The following RGS22 variants were observed in gnomAD, a reference collection of about 807,000 sequenced individuals.
RGS22 encodes regulator of G protein signaling 22.
A neutral mutation model predicts 172.9 loss-of-function variants in RGS22; 148 were observed. The observed-to-expected ratio is 0.86, with a 90% CI of 0.75 to 0.98. The LOEUF is 0.98. Ranked by LOEUF, RGS22 falls within the 50% of genes least tolerant of loss-of-function variation. RGS22 has a pLI of 0.00. For synonymous variants in RGS22, 458 were observed against 480.2 expected (o/e 0.95, Z 0.60); for missense variants, 1,347 against 1,440.8 (o/e 0.93, Z 1.05).
Position 100,041,783 on chromosome 8 carries a change from C to G in RGS22, c.1938+19G>C. 2 of 1,308,826 alleles carry G rather than the reference C, an allele frequency of 1.5e-6. No homozygotes were observed. The highest frequency in any genetic ancestry group is 1.2e-5 in the South Asian group (1 of 82,458). 81.1% of individuals were successfully genotyped at this position (1,308,826 alleles called of 1,614,324 possible). A position where few individuals can be genotyped will look rare whatever the true frequency, so the allele number is the denominator to read the frequency against. On this transcript the variant is annotated intron_variant, in intron 12 of 27. Coordinates refer to ENST00000360863, the MANE Select transcript of RGS22 (RefSeq NM_015668.5). The stretch of plus-strand genomic sequence containing the variant: ...AGTTAAATGAAGAATCAGGTTTATT[C>G]AGTCCTCAAAACACTCACCCTAGGT...
At chr8:100,088,431 CA>C (rs1205910272) in intron 3 of RGS22, among the ~76,000 whole-genome samples, 1 of 152,002 alleles carries the variant, frequency 6.6e-6, no homozygotes, top group African/African-American at 2.4e-5. Flanking sequence ...ACACACAAAA[CA>C]AAGCCAAAAG....
chr8:100,022,546 A>G (rs577246966), intron 14 of RGS22, among the ~76,000 whole-genome samples: 1 of 152,302 alleles, frequency 6.6e-6, no homozygotes, highest in African/African-American at 2.4e-5. Flanking sequence ...CACAGAAAAA[A>G]AAGTTATTAC....
intron 21 of RGS22, among the ~76,000 whole-genome samples, chr8:99,984,213 G>A (rs1385081435): frequency 6.6e-6 from 1 of 152,128 alleles, no homozygotes; most frequent in Non-Finnish European, 1.5e-5. Context: ...CTGAGCCCAG[G>A]GAGGTTGACG....
chr8:100,075,476 G>A (rs886563318), intron 4 of RGS22, among the ~76,000 whole-genome samples: 6 of 152,206 alleles, frequency 3.9e-5, no homozygotes, highest in Non-Finnish European at 5.9e-5. Flanking sequence ...ACAGTCTATA[G>A]AACCATAAGC....
chr8:99,975,706 A>C (rs1376595768), intron 23 of RGS22, among the ~76,000 whole-genome samples: 1 of 151,104 alleles, frequency 6.6e-6, no homozygotes, highest in African/African-American at 2.4e-5. Flanking sequence ...TTATTTATTT[A>C]TTTATTTATT....
intron 23 of RGS22, among the ~76,000 whole-genome samples, chr8:99,976,125 G>C (rs1307364618): frequency 3.3e-5 from 5 of 152,056 alleles, no homozygotes; most frequent in Non-Finnish European, 5.9e-5. Flanking sequence ...GGGAAGCAGA[G>C]GTTGCAATGA....
chr8:99,991,494 A>G (rs1813716209), intron 20 of RGS22, among the ~76,000 whole-genome samples: 1 of 152,240 alleles, frequency 6.6e-6, no homozygotes, highest in South Asian at 2.1e-4. Context: ...AGCCAATTCG[A>G]TCAAATGGAA....
chr8:100,054,856 G>C (rs1822079737), intron 9 of RGS22, among the ~76,000 whole-genome samples: 1 of 152,132 alleles, frequency 6.6e-6, no homozygotes, highest in South Asian at 2.1e-4. Context: ...ATCATACATG[G>C]GATGGCTGGC....
chr8:99,962,709 A>T lies in RGS22; in HGVS notation c.3768T>A (p.Asn1256Lys). Residue 1256 changes from asparagine to lysine, a missense_variant, in exon 26 of 28, where the codon AAT (asparagine) becomes AAA (lysine). Coordinates refer to ENST00000360863, the MANE Select transcript of RGS22 (RefSeq NM_015668.5). ...ASSSTMSLKK[N>K]MSAHSSQK ...CACTCTGGCTGCTGTGGGCAGACAT[A>T]TTCTTTTTCAAAGACATAGTTGAAG... 5 of 1,611,204 alleles carry T rather than the reference A, an allele frequency of 3.1e-6. No individual in the cohort carries two copies. Among genetic ancestry groups the T allele is most frequent in the Non-Finnish European group, 4.2e-6 (5 of 1,179,212 alleles).
At chr8:100,024,622 G>A (rs1480396224) in intron 14 of RGS22, among the ~76,000 whole-genome samples, 1 of 152,158 alleles carries the variant, frequency 6.6e-6, no homozygotes, top group Non-Finnish European at 1.5e-5. Flanking sequence ...GATAGTTTAA[G>A]ATATTAAAGT....
chr8:100,049,820 G>A (rs1257524233), intron 10 of RGS22, among the ~76,000 whole-genome samples: 2 of 152,136 alleles, frequency 1.3e-5, no homozygotes, highest in African/African-American at 4.8e-5. Context: ...GGCCAAGGCG[G>A]GCAGATCACC....
chr8:100,075,716 G>A (rs1039609942), intron 4 of RGS22, among the ~76,000 whole-genome samples: 7 of 152,166 alleles, frequency 4.6e-5, no homozygotes, highest in African/African-American at 1.7e-4. Flanking sequence ...GTGAACATAT[G>A]TTTTCAATAC....
intron 15 of RGS22, among the ~76,000 whole-genome samples, chr8:100,007,776 C>CA (rs34999639): frequency 4.2e-4 from 47 of 112,794 alleles, no homozygotes; most frequent in South Asian, 1.4e-3. Context: ...AGAAAACCGG[C>CA]AAAAAAAAAA....
intron 14 of RGS22, chr8:100,038,682 C>G (rs562673788): frequency 3.1e-6 from 1 of 321,042 alleles, no homozygotes; most frequent in Non-Finnish European, 5.7e-6. Context: ...GAGAGATGTT[C>G]TTTATCAGAA....
At chr8:100,076,257 T>C (rs1811340788) in intron 4 of RGS22, among the ~76,000 whole-genome samples, 3 of 152,216 alleles carry the variant, frequency 2.0e-5, no homozygotes, top group South Asian at 2.1e-4. Context: ...GCATTTGGTG[T>C]CATATCTAAC....
At chr8:99,966,147 A>G (rs898603446) in intron 23 of RGS22, among the ~76,000 whole-genome samples, 1 of 152,236 alleles carries the variant, frequency 6.6e-6, no homozygotes, top group Admixed American at 6.5e-5. Context: ...ACTCATTAGA[A>G]ATTTAGGTCA....
chr8:100,046,622 T>C (rs1474201437), intron 11 of RGS22: 1 of 148,416 alleles, frequency 6.7e-6, no homozygotes, highest in African/African-American at 2.5e-5. Context: ...AGAAGGCAAC[T>C]AGATAAGCTG....
chr8:100,095,487 T>G (rs1287220839), intron 2 of RGS22, among the ~76,000 whole-genome samples: 2 of 152,136 alleles, frequency 1.3e-5, no homozygotes, highest in Non-Finnish European at 1.5e-5. Context: ...CTCAGCCCTG[T>G]TTTGTTGTTG....
chr8:100,072,015 A>C, intron 5 of RGS22, 130 bp downstream of exon 5: 2 of 594,046 alleles, frequency 3.4e-6, no homozygotes, highest in Non-Finnish European at 5.7e-6. Flanking sequence ...TGGGCAATAT[A>C]GCAAGACCCT....
Sources: gnomAD v4.1 joint callset for allele counts (sites outside exome capture counted in the v4.1 genomes callset) on GRCh38, gnomAD v4.1.1 for gene constraint, MANE v1.5 for transcripts, NCBI Gene and HGNC (gene_info 2026-07-23, HGNC 2026-07-21) for gene names.